Variants in ZDHHC2 observed in about 807,000 individuals in gnomAD.
ZDHHC2 encodes the protein zDHHC palmitoyltransferase 2, also known as palmitoyltransferase ZDHHC2.
ZDHHC2 carries 51 observed loss-of-function variants against 55.6 expected under a neutral mutation model. The observed-to-expected ratio is 0.92, with a 90% CI of 0.73 to 1.16. The LOEUF (loss-of-function observed/expected upper bound fraction) is 1.16, where lower values mean the gene tolerates loss of function less well. Among genes scored for constraint, ZDHHC2 ranks in the 50% most tolerant of loss-of-function variants. The probability of loss-of-function intolerance (pLI) is 0.00; values close to 1 mark genes in which losing one functional copy is unlikely to be tolerated. For missense variants in ZDHHC2, 491 were observed against 442.4 expected (o/e 1.11, Z -0.99); for synonymous variants, 199 against 152.9 (o/e 1.30, Z -2.22).
intron 6 of ZDHHC2, among the ~76,000 whole-genome samples, chr8:17,204,618 TGG>T (rs1807000020): frequency 6.6e-6 from 1 of 151,934 alleles, no homozygotes; most frequent in Non-Finnish European, 1.5e-5. Flanking sequence ...TGAGAACACA[TGG>T]ACACAGAGGA....
At chr8:17,211,343 G>A (rs1420368849) in intron 10 of ZDHHC2, among the ~76,000 whole-genome samples, 1 of 152,082 alleles carries the variant, frequency 6.6e-6, no homozygotes, top group African/African-American at 2.4e-5. Flanking sequence ...CACATACACA[G>A]TATCCACACC....
intron 10 of ZDHHC2, among the ~76,000 whole-genome samples, chr8:17,213,533 A>G (rs781540557): frequency 3.3e-5 from 5 of 152,154 alleles, no homozygotes; most frequent in Admixed American, 2.6e-4. Flanking sequence ...GATTACAGGC[A>G]TGAGCCACTA....
intron 4 of ZDHHC2, among the ~76,000 whole-genome samples, chr8:17,197,062 A>G (rs1208908272): frequency 1.3e-5 from 2 of 152,184 alleles, no homozygotes; most frequent in African/African-American, 4.8e-5. Flanking sequence ...AGATGTGCTT[A>G]TATATGTTTA....
intron 1 of ZDHHC2, among the ~76,000 whole-genome samples, chr8:17,180,605 A>G (rs1805386199): frequency 1.3e-5 from 2 of 152,168 alleles, no homozygotes; most frequent in South Asian, 2.1e-4. Flanking sequence ...GGCTTACTCT[A>G]CACAAGGCAC....
At position 17,186,295 on chromosome 8, in the gene ZDHHC2, C is replaced by T. The variant is rs369234040; in HGVS notation, c.158-36C>T. 1.0e-3 allele frequency: 1,399 copies of T among 1,363,668 alleles called. 2 individuals carry two copies. The highest frequency in any genetic ancestry group is 1.2e-3 in the Non-Finnish European group (1,135 of 981,534). 84.5% of individuals were successfully genotyped at this position (1,363,668 alleles called of 1,614,324 possible). On this transcript the variant is annotated intron_variant, in intron 2 of 12. Transcript: ENST00000262096. ...CTGTCATAATTTTAGTATGTATTTGCATATTATAATGATAATTATGTTTTT... is the reference window on the plus strand; with the variant it reads ...CTGTCATAATTTTAGTATGTATTTGTATATTATAATGATAATTATGTTTTT...
At chr8:17,160,358 G>A (rs764238979) in intron 1 of ZDHHC2, among the ~76,000 whole-genome samples, 1 of 152,116 alleles carries the variant, frequency 6.6e-6, no homozygotes, top group Non-Finnish European at 1.5e-5. Context: ...ATGATGTTGC[G>A]CAGTCATGTA....
rs189130724 is a variant in ZDHHC2 at position 17,215,663 on chromosome 8, C to T, written c.1063+314C>T. On this transcript the variant is annotated intron_variant, in intron 11 of 12. Coordinates refer to ENST00000262096, the MANE Select transcript of ZDHHC2 (RefSeq NM_016353.5). ...ATAAAGTATAAAAATGAAAAAACTA[C>T]AATCAAATCAGATAGAAGATAAATA... Among the ~76,000 whole-genome samples, 48 of 152,190 alleles carry T rather than the reference C, an allele frequency of 3.2e-4. 1 individual carries two copies. The highest frequency in any genetic ancestry group is 1.1e-3 in the African/African-American group (46 of 41,550).
intron 7 of ZDHHC2, among the ~76,000 whole-genome samples, chr8:17,206,465 C>G (rs1807106514): frequency 6.6e-6 from 1 of 152,136 alleles, no homozygotes; most frequent in South Asian, 2.1e-4. Flanking sequence ...TCAGTGTTCA[C>G]AAGTTCAGTG....
intron 11 of ZDHHC2, 57 bp from the exon 12 acceptor site, chr8:17,217,115 T>C: frequency 2.6e-6 from 4 of 1,560,292 alleles, no homozygotes; most frequent in Non-Finnish European, 3.5e-6. Context: ...GAATAAGAAG[T>C]TTCTGCCTAT....
intron 3 of ZDHHC2, among the ~76,000 whole-genome samples, chr8:17,194,852 A>G (rs995706756): frequency 1.3e-5 from 2 of 152,200 alleles, no homozygotes; most frequent in East Asian, 3.9e-4. Flanking sequence ...TTTCTTGTAC[A>G]TGTCTCCTGG....
intron 1 of ZDHHC2, among the ~76,000 whole-genome samples, chr8:17,158,037 T>C (rs1471148789): frequency 1.3e-5 from 2 of 152,192 alleles, no homozygotes; most frequent in East Asian, 1.9e-4. Context: ...TTATTTCATA[T>C]AGTTTTAAAA....
intron 3 of ZDHHC2, among the ~76,000 whole-genome samples, chr8:17,190,951 CTTTTTTTTTTTTTTTTTT>C (rs10601402): frequency 5.7e-5 from 3 of 52,760 alleles, no homozygotes; most frequent in African/African-American, 2.3e-4. Context: ...CTTATTCATT[CTTTTTTTTTTTTTTTTTT>C]TTTTTTTTTT....
At chr8:17,190,482 C>T (rs1476257857) in intron 3 of ZDHHC2, among the ~76,000 whole-genome samples, 1 of 151,346 alleles carries the variant, frequency 6.6e-6, no homozygotes, top group South Asian at 2.1e-4. Context: ...AGAGACCTCT[C>T]GCTTGTAAAA....
intron 1 of ZDHHC2, among the ~76,000 whole-genome samples, chr8:17,175,141 G>C (rs1805064299): frequency 6.6e-6 from 1 of 152,128 alleles, no homozygotes; most frequent in African/African-American, 2.4e-5. Flanking sequence ...GATGTGTTCT[G>C]AGGTAGAGGC....
chr8:17,210,488 C>G lies in ZDHHC2; in HGVS notation c.950+8C>G. 1 of 1,593,494 alleles carries G rather than the reference C, an allele frequency of 6.3e-7. No homozygotes were observed. Among genetic ancestry groups the G allele is most frequent in the Non-Finnish European group, 8.5e-7 (1 of 1,170,882 alleles). The stretch of plus-strand genomic sequence containing the variant: ...GAATTCCACAGCTAAAAAGTAATCT[C>G]ATATTTTTTTTCATTTTACTTTCAA... On this transcript the variant is annotated splice_region_variant and intron_variant, in intron 10 of 12. Transcript: ENST00000262096.
Position 17,217,233 on chromosome 8 carries a change from C to T in ZDHHC2, c.*21C>T, listed in dbSNP as rs763425433. Reference sequence around the variant, plus strand: ...CTTAACTCTTCAAGCAAGATAAATTCATACTTTATAAAAGTACGATAATTT... The same window carrying T: ...CTTAACTCTTCAAGCAAGATAAATTTATACTTTATAAAAGTACGATAATTT... On this transcript the variant is annotated 3_prime_UTR_variant, in exon 12 of 13. Coordinates refer to ENST00000262096, the MANE Select transcript of ZDHHC2 (RefSeq NM_016353.5). 7 of 1,603,734 alleles carry T rather than the reference C, an allele frequency of 4.4e-6. No individual in the cohort carries two copies. Among genetic ancestry groups the T allele is most frequent in the Non-Finnish European group, 6.0e-6 (7 of 1,174,236 alleles).
chr8:17,166,913 G>A (rs1319677422), intron 1 of ZDHHC2, among the ~76,000 whole-genome samples: 1 of 152,106 alleles, frequency 6.6e-6, no homozygotes, highest in East Asian at 1.9e-4. Context: ...AAAGAATCTC[G>A]TATACCAGTG....
In ZDHHC2 at chr8:17,210,388, T is replaced by C; in HGVS notation, c.858T>C (p.Ser286=). 1 of 1,612,592 alleles carries C rather than the reference T, an allele frequency of 6.2e-7. No individual in the cohort carries two copies. Residue 286 remains serine (S), a splice_region_variant and synonymous_variant, in exon 10 of 13, where the codon AGT becomes AGC. Transcript: ENST00000262096. ...TTCTAAATTTTTATTTTAATTCTAGTCTAGGTGATGGCTGCTCCTTTCCAA... is the reference window on the plus strand; with the variant it reads ...TTCTAAATTTTTATTTTAATTCTAGCCTAGGTGATGGCTGCTCCTTTCCAA... ...KKYWLLPIFS[S]LGDGCSFPTC... is the part of the protein sequence containing the mutation.
chr8:17,177,974 C>T (rs1262649854), intron 1 of ZDHHC2, among the ~76,000 whole-genome samples: 1 of 152,064 alleles, frequency 6.6e-6, no homozygotes, highest in Non-Finnish European at 1.5e-5. Context: ...AAAATCACAG[C>T]AATATACATT....
Sources: allele counts gnomAD v4.1 joint callset (sites outside exome capture counted in the v4.1 genomes callset), GRCh38; gene constraint gnomAD v4.1.1; transcripts MANE v1.5; gene names NCBI Gene and HGNC (gene_info 2026-07-23, HGNC 2026-07-21).